Variants in KCNMB1 observed in about 807,000 individuals in gnomAD.
KCNMB1 encodes calcium-activated potassium channel subunit beta-1.
In KCNMB1, 22 loss-of-function variants were observed where a neutral mutation model predicts 21.7. The ratio of observed to expected loss-of-function variants is 1.01; its 90% CI spans 0.72 to 1.45. KCNMB1 has a LOEUF of 1.45. KCNMB1 is among the 40% of genes most tolerant of loss of function. The probability of loss-of-function intolerance (pLI) is 0.00; values close to 1 mark genes in which losing one functional copy is unlikely to be tolerated. For synonymous variants in KCNMB1, 114 were observed against 107.6 expected, an observed-to-expected ratio of 1.06 and a Z score of -0.37; for missense variants, 243 against 243.4, an observed-to-expected ratio of 1.00 and a Z score of 0.01.
At chr5:170,383,368 A>G in intron 3 of KCNMB1, 1 of 593,800 alleles carries the variant, frequency 1.7e-6, no homozygotes, top group Non-Finnish European at 3.0e-6. Context: ...GGCACTTTAT[A>G]TACAGCGTCT....
intron 1 of KCNMB1, among the ~76,000 whole-genome samples, chr5:170,387,986 G>A (rs984502822): frequency 2.0e-5 from 3 of 152,094 alleles, no homozygotes; most frequent in African/African-American, 7.2e-5. Flanking sequence ...CGCACCTGTG[G>A]GGGCTTCCTG....
At chr5:170,387,155 T>C (rs892569758) in intron 1 of KCNMB1, among the ~76,000 whole-genome samples, 6 of 152,210 alleles carry the variant, frequency 3.9e-5, no homozygotes, top group Admixed American at 3.3e-4. Flanking sequence ...CAGGAAGCTA[T>C]CAATGTAATC....
At position 170,383,331 on chromosome 5, in the gene KCNMB1, G is replaced by T. The variant is rs188706740; in HGVS notation, c.306+348C>A. 460 of 561,274 alleles carry T rather than the reference G, an allele frequency of 8.2e-4. 2 individuals carry two copies. The highest frequency in any genetic ancestry group is 7.7e-3 in the African/African-American group (410 of 53,488). 34.8% of individuals were successfully genotyped at this position (561,274 alleles called of 1,614,324 possible). On this transcript the variant is annotated intron_variant, in intron 3 of 3. Coordinates refer to ENST00000274629, the MANE Select transcript of KCNMB1 (RefSeq NM_004137.4). ...CACTAATCACTGCTTTTGTTTGAGT[G>T]CCCACTATCCACTCAGCATCAAGCG...
Position 170,378,737 on chromosome 5 carries a change from G to A in KCNMB1, c.543C>T (p.Asn181=). The change falls in exon 4 of 4, where the codon AAC becomes AAT. Residue 181 remains asparagine, a synonymous_variant. Coordinates refer to ENST00000274629, the MANE Select transcript of KCNMB1 (RefSeq NM_004137.4). The part of the protein sequence containing the change: ...GLLIIAMVKS[N]QYLSILAAQK ...GGGCCGCCAGGATGGACAGGTACTG[G>A]TTGCTCTTCACCATGGCGATAATGA... 1 of 1,613,974 alleles carries A rather than the reference G, an allele frequency of 6.2e-7. No individual in the cohort carries two copies. Among genetic ancestry groups the A allele is most frequent in the Middle Eastern group, 1.6e-4 (1 of 6,062 alleles).
intron 1 of KCNMB1, among the ~76,000 whole-genome samples, chr5:170,388,731 C>A (rs79653916): frequency 6.6e-6 from 1 of 152,186 alleles, no homozygotes; most frequent in Non-Finnish European, 1.5e-5. Flanking sequence ...AATCCTGGCT[C>A]TGCCACTTAC....
chr5:170,380,929 T>C (rs1053818555), intron 3 of KCNMB1, among the ~76,000 whole-genome samples: 1 of 152,170 alleles, frequency 6.6e-6, no homozygotes, highest in African/African-American at 2.4e-5. Flanking sequence ...AGATGATGCA[T>C]GTAAAGCACT....
chr5:170,385,510 G>T, intron 1 of KCNMB1, 39 bp from the exon 2 acceptor site: 2 of 1,581,674 alleles, frequency 1.3e-6, no homozygotes, highest in Middle Eastern at 1.7e-4. Flanking sequence ...GATCAGCCCA[G>T]TTCACAGGTG....
rs1217521546 is a variant in KCNMB1 at position 170,377,574 on chromosome 5, GTTT to G, written c.*1127_*1129del. On this transcript the variant is annotated 3_prime_UTR_variant, in exon 4 of 4. Coordinates refer to ENST00000274629, the MANE Select transcript of KCNMB1 (RefSeq NM_004137.4). ...TCCAGAGGGTTGTTTTTCATTTTTT[GTTT>G]TTTGTTTTTTTTTTGAGACGGAGTC... 1 of 134,860 alleles carries G rather than the reference GTTT, an allele frequency of 7.4e-6. No homozygotes were observed. The highest frequency in any genetic ancestry group is 1.6e-5 in the Non-Finnish European group (1 of 61,522). 8.4% of individuals were successfully genotyped at this position (134,860 alleles called of 1,614,324 possible). A position where few individuals can be genotyped will look rare whatever the true frequency, so the allele number is the denominator to read the frequency against.
intron 1 of KCNMB1, among the ~76,000 whole-genome samples, chr5:170,387,391 A>C (rs1764519173): frequency 1.3e-5 from 2 of 152,142 alleles, no homozygotes; most frequent in South Asian, 4.1e-4. Flanking sequence ...TCAAATATTC[A>C]GAGATTCTTG....
rs11739136 is a variant in KCNMB1, at chr5:170,383,792, C to T, written c.193G>A (p.Glu65Lys). 0.096 allele frequency: 155,371 copies of T among 1,613,934 alleles called. 8,040 individuals are homozygous for T. Among genetic ancestry groups the T allele is most frequent in the Admixed American group, 0.14 (8,590 of 59,984 alleles). The change falls in exon 3 of 4, where the codon GAG becomes AAG. Residue 65 changes from glutamate to lysine, a missense_variant. Transcript: ENST00000274629. Reference sequence around the variant, plus strand: ...TGGGGCACCTTCTTGCCCTTCAGCTCCTCCTGGTCCCTGATGTTGGTCTCA... The same window carrying T: ...TGGGGCACCTTCTTGCCCTTCAGCTTCTCCTGGTCCCTGATGTTGGTCTCA... Reference protein sequence around the residue: ...LIETNIRDQEELKGKKVPQYP... With the variant: ...LIETNIRDQEKLKGKKVPQYP...
intron 2 of KCNMB1, 24 bp from the exon 3 acceptor site, chr5:170,383,874 A>T: frequency 6.2e-7 from 1 of 1,611,812 alleles, no homozygotes; most frequent in African/African-American, 1.3e-5. Flanking sequence ...ACACATGCAC[A>T]CATACACATC....
In KCNMB1 at chr5:170,375,950, G is replaced by A. The variant is rs1424690907; in HGVS notation, c.*2754C>T. On this transcript the variant is annotated 3_prime_UTR_variant, in exon 4 of 4. Coordinates refer to ENST00000274629, the MANE Select transcript of KCNMB1 (RefSeq NM_004137.4). ...CAGCTGGAATTTGAACCCAAACAGTGCACATCCCAAGTCCACATACTTAGC... is the reference window on the plus strand; with the variant it reads ...CAGCTGGAATTTGAACCCAAACAGTACACATCCCAAGTCCACATACTTAGC... 1.3e-5 allele frequency: 2 copies of A among 152,100 alleles called. No homozygotes were observed. Among genetic ancestry groups the A allele is most frequent in the African/African-American group, 4.8e-5 (2 of 41,418 alleles). The allele number at this position is 152,100 out of a possible 1,614,324, so 9.4% of individuals were successfully genotyped here. A position where few individuals can be genotyped will look rare whatever the true frequency, so the allele number is the denominator to read the frequency against.
At chr5:170,380,260 C>T (rs904388821) in intron 3 of KCNMB1, among the ~76,000 whole-genome samples, 11 of 152,280 alleles carry the variant, frequency 7.2e-5, no homozygotes, top group Middle Eastern at 3.4e-3. Context: ...AGTGTGGTGC[C>T]CCCATCTGCA....
chr5:170,379,077 T>A, intron 3 of KCNMB1, 104 bp from the exon 4 acceptor site: 3 of 1,361,112 alleles, frequency 2.2e-6, no homozygotes. Context: ...GTCGGGCCCC[T>A]GGATTGGAGT....
chr5:170,376,606 G>A lies in KCNMB1; in HGVS notation c.*2098C>T, dbSNP rs1178345265. On this transcript the variant is annotated 3_prime_UTR_variant, in exon 4 of 4. Transcript: ENST00000274629. ...TCATTTAGCTCCCACTTATAAGTGA[G>A]AATATACAGTATTTAGTTTTGTGTC... The A allele has an allele frequency of 1.3e-5, 2 of 152,140 alleles. No homozygotes were observed. The highest frequency in any genetic ancestry group is 2.9e-5 in the Non-Finnish European group (2 of 68,038). 9.4% of individuals were successfully genotyped at this position (152,140 alleles called of 1,614,324 possible). A position where few individuals can be genotyped will look rare whatever the true frequency, so the allele number is the denominator to read the frequency against.
In KCNMB1 at chr5:170,378,459, G is replaced by C. The variant is rs763007438; in HGVS notation, c.*245C>G. On this transcript the variant is annotated 3_prime_UTR_variant, in exon 4 of 4. Transcript: ENST00000274629. ...GTCAGTTGAGTGGGGACAGGTAATA[G>C]AGAGCTAGAACTGGCTGGCCTTATG... is the stretch of plus-strand genomic sequence containing the variant. 2 of 512,254 alleles carry C rather than the reference G, an allele frequency of 3.9e-6. No homozygotes were observed. Among genetic ancestry groups the C allele is most frequent in the Non-Finnish European group, 6.9e-6 (2 of 291,238 alleles). The allele number at this position is 512,254 out of a possible 1,614,324, so 31.7% of individuals were successfully genotyped here.
chr5:170,383,512 G>A, intron 3 of KCNMB1, 167 bp downstream of exon 3: 1 of 749,410 alleles, frequency 1.3e-6, no homozygotes. Context: ...ACCCAGGTCT[G>A]TGTGACTCCA....
At chr5:170,382,023 G>A (rs573729973) in intron 3 of KCNMB1, among the ~76,000 whole-genome samples, 9 of 151,974 alleles carry the variant, frequency 5.9e-5, no homozygotes, top group Middle Eastern at 3.4e-3. Context: ...CAGCCTCCAC[G>A]CCCCATCCCA....
At chr5:170,385,987 G>A (rs1764453248) in intron 1 of KCNMB1, among the ~76,000 whole-genome samples, 1 of 151,822 alleles carries the variant, frequency 6.6e-6, no homozygotes, top group Non-Finnish European at 1.5e-5. Context: ...TTAGCCGGGT[G>A]TGGTCGTGGG....
Sources: allele counts gnomAD v4.1 joint callset (sites outside exome capture counted in the v4.1 genomes callset), GRCh38; gene constraint gnomAD v4.1.1; transcripts MANE v1.5; gene names NCBI Gene and HGNC (gene_info 2026-07-23, HGNC 2026-07-21).